Variants in C10orf67 observed in about 807,000 individuals in gnomAD.
C10orf67 encodes the protein chromosome 10 open reading frame 67.
A neutral mutation model predicts 35.6 loss-of-function variants in C10orf67; 60 were observed. The ratio of observed to expected loss-of-function variants is 1.68; its 90% CI spans 1.37 to 2.09. C10orf67 has a LOEUF of 2.09. Ranked by LOEUF, C10orf67 falls within the 30% of genes most tolerant of loss-of-function variation. C10orf67 has a pLI of 0.00. For synonymous variants in C10orf67, 167 were observed against 115.8 expected (o/e 1.44, Z -2.84); for missense variants, 474 against 330.2 (o/e 1.44, Z -3.38).
chr10:23,343,987 C>T (rs1161873451), intron 1 of C10orf67: 2 of 449,772 alleles, frequency 4.4e-6, no homozygotes, highest in East Asian at 1.6e-4. Context: ...AGGCGAGTCG[C>T]CCCAGTTCGC....
intron 8 of C10orf67, among the ~76,000 whole-genome samples, chr10:23,278,479 G>A (rs1843260827): frequency 6.6e-6 from 1 of 152,046 alleles, no homozygotes; most frequent in Non-Finnish European, 1.5e-5. Context: ...ATATTTATTG[G>A]CCATCTACTC....
chr10:23,219,997 C>A (rs1424298153), intron 15 of C10orf67, among the ~76,000 whole-genome samples: 6 of 151,898 alleles, frequency 4.0e-5, no homozygotes, highest in South Asian at 2.1e-4. Context: ...CAAAGTGAGA[C>A]CCTGTCTTTA....
chr10:23,343,071 AG>A (rs2132427694), intron 1 of C10orf67, among the ~76,000 whole-genome samples: 1 of 152,378 alleles, frequency 6.6e-6, no homozygotes, highest in East Asian at 1.9e-4. Context: ...GCTAGAACAC[AG>A]GGGGCAAAGG....
At chr10:23,225,149 C>G (rs1841701678) in intron 13 of C10orf67, among the ~76,000 whole-genome samples, 1 of 152,172 alleles carries the variant, frequency 6.6e-6, no homozygotes, top group African/African-American at 2.4e-5. Flanking sequence ...AAGGGAAGCC[C>G]ATCAGACTAA....
At chr10:23,334,037 G>T in intron 1 of C10orf67, among the ~76,000 whole-genome samples, 1 of 152,146 alleles carries the variant, frequency 6.6e-6, no homozygotes, top group Non-Finnish European at 1.5e-5. Flanking sequence ...TATTTTAAGT[G>T]AATCAATATA....
At chr10:23,289,982 C>T in intron 6 of C10orf67, 24 bp from the exon 7 acceptor site, 1 of 715,470 alleles carries the variant, frequency 1.4e-6, no homozygotes, top group Non-Finnish European at 2.6e-6. Flanking sequence ...GAGAGAGAGG[C>T]CAACCATGAA....
At chr10:23,225,126 C>T (rs1489928897) in intron 13 of C10orf67, among the ~76,000 whole-genome samples, 3 of 152,146 alleles carry the variant, frequency 2.0e-5, no homozygotes, top group Admixed American at 6.5e-5. Flanking sequence ...AGAGAAAGGT[C>T]GGGTTACCCA....
At chr10:23,315,031 T>TA (rs1844648636) in intron 4 of C10orf67, among the ~76,000 whole-genome samples, 1 of 152,246 alleles carries the variant, frequency 6.6e-6, no homozygotes, top group East Asian at 1.9e-4. Flanking sequence ...GCACTTCGTT[T>TA]TATTTTCAAC....
At chr10:23,305,710 C>A in intron 4 of C10orf67, among the ~76,000 whole-genome samples, 1 of 151,958 alleles carries the variant, frequency 6.6e-6, no homozygotes, top group East Asian at 1.9e-4. Flanking sequence ...AAAAGGCAAC[C>A]CTTGTGCACT....
chr10:23,222,789 C>A (rs1841621375), intron 15 of C10orf67, among the ~76,000 whole-genome samples: 1 of 152,276 alleles, frequency 6.6e-6, no homozygotes, highest in Non-Finnish European at 1.5e-5. Flanking sequence ...ACCAACCAAT[C>A]AACCAAACAA....
At chr10:23,233,435 A>C (rs1021094494) in intron 13 of C10orf67, among the ~76,000 whole-genome samples, 2 of 152,222 alleles carry the variant, frequency 1.3e-5, no homozygotes, top group African/African-American at 4.8e-5. Context: ...AAAAGACTCA[A>C]ATTCATGGTC....
chr10:23,286,976 G>C (rs1843561262), intron 7 of C10orf67, among the ~76,000 whole-genome samples: 1 of 152,008 alleles, frequency 6.6e-6, no homozygotes, highest in Non-Finnish European at 1.5e-5. Context: ...AAATAAGAGA[G>C]GACACAAACA....
chr10:23,203,999 G>A lies in C10orf67; in HGVS notation c.*174C>T, dbSNP rs1463561009. ...GTGGAAAGGAGCGCGCACAAGGCGC[G>A]CATTGAGGTCTATTCGAGCGCAGTG... On this transcript the variant is annotated 3_prime_UTR_variant, in exon 16 of 16. Transcript: ENST00000636213. The A allele has an allele frequency of 7.9e-6, 3 of 380,298 alleles. No homozygotes were observed. The highest frequency in any genetic ancestry group is 1.4e-5 in the Non-Finnish European group (3 of 214,552). 23.6% of individuals were successfully genotyped at this position (380,298 alleles called of 1,614,324 possible).
intron 13 of C10orf67, among the ~76,000 whole-genome samples, chr10:23,238,528 T>C (rs538223802): frequency 1.3e-5 from 2 of 152,218 alleles, no homozygotes; most frequent in Non-Finnish European, 2.9e-5. Context: ...GGAAAAATAC[T>C]GGATCTACTC....
At chr10:23,300,448 G>A (rs990255327) in intron 5 of C10orf67, among the ~76,000 whole-genome samples, 1 of 152,138 alleles carries the variant, frequency 6.6e-6, no homozygotes, top group Non-Finnish European at 1.5e-5. Flanking sequence ...AGGTTGCCAA[G>A]TTCAATAGAG....
chr10:23,205,131 G>T (rs1841124188), intron 15 of C10orf67, among the ~76,000 whole-genome samples: 1 of 152,230 alleles, frequency 6.6e-6, no homozygotes, highest in African/African-American at 2.4e-5. Flanking sequence ...GGTTCAAAGT[G>T]GAGTGCTCCA....
intron 8 of C10orf67, among the ~76,000 whole-genome samples, chr10:23,273,534 G>A (rs1050441283): frequency 2.0e-5 from 3 of 152,114 alleles, no homozygotes; most frequent in Non-Finnish European, 4.4e-5. Context: ...CTTGCAGTCT[G>A]GAATCTCATT....
intron 12 of C10orf67, among the ~76,000 whole-genome samples, chr10:23,244,418 T>C (rs1842262316): frequency 6.6e-6 from 1 of 151,728 alleles, no homozygotes; most frequent in African/African-American, 2.4e-5. Flanking sequence ...AGACAGCAAA[T>C]AAAACATTAA....
intron 4 of C10orf67, chr10:23,317,404 C>T (rs55695841): frequency 0.17 from 25,948 of 152,214 alleles, 2,733 homozygotes; most frequent in Non-Finnish European, 0.24. Context: ...GGCTGGGCAG[C>T]TGCAGCTGCC....
Sources: gnomAD v4.1 joint callset for allele counts (sites outside exome capture counted in the v4.1 genomes callset) on GRCh38, gnomAD v4.1.1 for gene constraint, MANE v1.5 for transcripts, NCBI Gene and HGNC (gene_info 2026-07-23, HGNC 2026-07-21) for gene names.